VWDE: variants seen among roughly 807,000 people sequenced by gnomAD.
VWDE encodes von Willebrand factor D and EGF domain-containing protein.
In VWDE, 207 loss-of-function variants were observed where a neutral mutation model predicts 178.4. That is an observed-to-expected ratio of 1.16 (90% confidence interval 1.04 to 1.30). VWDE has a LOEUF of 1.30. Among genes scored for constraint, VWDE ranks in the 50% most tolerant of loss-of-function variants. The pLI, the probability that VWDE is intolerant of heterozygous loss-of-function variation, is 0.00. For synonymous variants in VWDE, 738 were observed against 651.4 expected, an observed-to-expected ratio of 1.13 and a Z score of -2.02; for missense variants, 2,287 against 1,901.3, an observed-to-expected ratio of 1.20 and a Z score of -3.77.
intron 2 of VWDE, among the ~76,000 whole-genome samples, chr7:12,390,279 G>A (rs1030514478): frequency 2.0e-4 from 30 of 151,728 alleles, no homozygotes; most frequent in African/African-American, 6.8e-4. Flanking sequence ...AAAATAAGAA[G>A]AAACTATGTA....
intron 4 of VWDE, among the ~76,000 whole-genome samples, chr7:12,382,596 T>C (rs1783907650): frequency 6.6e-6 from 1 of 151,958 alleles, no homozygotes; most frequent in Non-Finnish European, 1.5e-5. Context: ...GAACATTATA[T>C]GATCTATCCT....
intron 19 of VWDE, among the ~76,000 whole-genome samples, chr7:12,347,004 TA>T (rs1346180220): frequency 6.6e-6 from 1 of 152,060 alleles, no homozygotes; most frequent in African/African-American, 2.4e-5. Flanking sequence ...TCGTGAAACA[TA>T]AAAAGCATAT....
chr7:12,385,803 T>C (rs1784068594), intron 3 of VWDE, among the ~76,000 whole-genome samples: 1 of 151,828 alleles, frequency 6.6e-6, no homozygotes. Context: ...ACATTAAGAG[T>C]AAAAAAATAA....
chr7:12,361,695 A>C (rs1328280507), intron 13 of VWDE, among the ~76,000 whole-genome samples, 174 bp from the exon 14 acceptor site: 1 of 152,080 alleles, frequency 6.6e-6, no homozygotes, highest in African/African-American at 2.4e-5. Context: ...AACGAAAAAC[A>C]TATATATGTT....
chr7:12,381,521 G>A (rs2128558901), intron 4 of VWDE, among the ~76,000 whole-genome samples: 1 of 152,180 alleles, frequency 6.6e-6, no homozygotes, highest in South Asian at 2.1e-4. Flanking sequence ...GCCTTGCCAT[G>A]TAGATTTTGG....
chr7:12,368,247 A>T (rs1417551159), intron 12 of VWDE, among the ~76,000 whole-genome samples: 1 of 150,348 alleles, frequency 6.7e-6, no homozygotes, highest in Non-Finnish European at 1.5e-5. Flanking sequence ...TAAAAAAAAA[A>T]TAAAAAGATA....
rs376819573 is a variant in VWDE at position 12,361,476 on chromosome 7, T to G, written c.2944A>C (p.Thr982Pro). The G allele has an allele frequency of 1.9e-6, 3 of 1,551,146 alleles. No homozygotes were observed. Among genetic ancestry groups the G allele is most frequent in the Admixed American group, 3.9e-5 (2 of 50,942 alleles). Residue 982 changes from threonine (T) to proline (P), a missense_variant, in exon 14 of 29, where the codon ACT becomes CCT. By Grantham distance (38) the Thr-to-Pro change is conservative. Coordinates refer to ENST00000275358, the MANE Select transcript of VWDE (RefSeq NM_001135924.3). ...ACAGCTCTGCTATTGTGGAAAACAGTCTGTGTATAGATGGGTTCTCCAGGC... is the reference window on the plus strand; with the variant it reads ...ACAGCTCTGCTATTGTGGAAAACAGGCTGTGTATAGATGGGTTCTCCAGGC... ...WMPGEPIYTQ[T>P]VFHNSRAVDC...
chr7:12,398,003 G>A (rs537027562), intron 1 of VWDE, among the ~76,000 whole-genome samples: 33 of 152,110 alleles, frequency 2.2e-4, no homozygotes, highest in Admixed American at 1.3e-3. Flanking sequence ...GCAGTTTGGA[G>A]ATTTCTCAAA....
chr7:12,399,125 T>C (rs1562525481), intron 1 of VWDE, among the ~76,000 whole-genome samples: 1 of 152,088 alleles, frequency 6.6e-6, no homozygotes, highest in African/African-American at 2.4e-5. Flanking sequence ...CAAGGGAAAA[T>C]AGAGTGACTA....
rs1203865514 is a variant in VWDE at position 12,379,472 on chromosome 7, C to G, written c.879+5G>C. 4.5e-6 allele frequency: 7 copies of G among 1,542,922 alleles called. No homozygotes were observed. In the South Asian group the frequency reaches 6.0e-5, roughly 13 times the overall value. On this transcript the variant is annotated splice_donor_5th_base_variant and intron_variant, in intron 6 of 28. Coordinates refer to ENST00000275358, the MANE Select transcript of VWDE (RefSeq NM_001135924.3). Reference sequence around the variant, plus strand: ...TCTTTCTGATGCATCCCCACTGCTGCGTACCTTAAAGCCTGCAAAAAATTC... The same window carrying G: ...TCTTTCTGATGCATCCCCACTGCTGGGTACCTTAAAGCCTGCAAAAAATTC...
intron 10 of VWDE, among the ~76,000 whole-genome samples, chr7:12,372,368 A>G (rs1783255748): frequency 6.6e-6 from 1 of 152,070 alleles, no homozygotes; most frequent in African/African-American, 2.4e-5. Context: ...TAAATATTAT[A>G]CAAACAGAAA....
chr7:12,380,831 T>C (rs1404693989), intron 4 of VWDE, 98 bp from the exon 5 acceptor site: 7 of 1,359,670 alleles, frequency 5.1e-6, no homozygotes, highest in Admixed American at 2.8e-5. Context: ...TGGTTTATCT[T>C]AAGAAAAAGC....
intron 7 of VWDE, among the ~76,000 whole-genome samples, chr7:12,376,297 A>G (rs17165942): frequency 0.25 from 37,286 of 151,836 alleles, 4,755 homozygotes; most frequent in African/African-American, 0.28. Context: ...AAATACACTC[A>G]GACACCAACT....
In VWDE at chr7:12,370,106, C is replaced by CT; in HGVS notation, c.2199dup (p.Gly734ArgfsTer24). On this transcript the variant is annotated frameshift_variant, in exon 12 of 29. Coordinates refer to ENST00000275358, the MANE Select transcript of VWDE (RefSeq NM_001135924.3). LOFTEE classifies it high-confidence loss of function. The stretch of plus-strand genomic sequence containing the variant: ...ATTTCTTGGCTGTGGCTTCCCCGGC[C>CT]TTGTGTATATTTCTTATTGGCCAAA... 6.4e-7 allele frequency: 1 copy of CT among 1,551,508 alleles called. No homozygotes were observed. Among genetic ancestry groups the CT allele is most frequent in the African/African-American group, 1.4e-5 (1 of 73,142 alleles).
chr7:12,359,569 G>A lies in VWDE; in HGVS notation c.3274+9C>T, dbSNP rs1263197133. On this transcript the variant is annotated intron_variant, in intron 16 of 28. Transcript: ENST00000275358. ...TAGGAAATATTTGGATTAATAAAGA[G>A]TAACTTACTTTCTAAAAATGACCAA... 6.7e-7 allele frequency: 1 copy of A among 1,502,040 alleles called. No homozygotes were observed. The highest frequency in any genetic ancestry group is 2.5e-5 in the East Asian group (1 of 40,562). 93.0% of individuals were successfully genotyped at this position (1,502,040 alleles called of 1,614,324 possible).
At chr7:12,336,040 A>T in intron 27 of VWDE, 101 bp downstream of exon 27, 1 of 746,930 alleles carries the variant, frequency 1.3e-6, no homozygotes, top group Middle Eastern at 2.7e-4. Context: ...AGCATGCTGG[A>T]GTTTTTTCCC....
At chr7:12,334,793 A>G (rs528527729) in intron 27 of VWDE, among the ~76,000 whole-genome samples, 3 of 152,270 alleles carry the variant, frequency 2.0e-5, no homozygotes, top group South Asian at 4.1e-4. Context: ...TGCTTTTAAC[A>G]TCTTCTCATC....
intron 17 of VWDE, among the ~76,000 whole-genome samples, 182 bp downstream of exon 17, chr7:12,357,083 T>C (rs73678117): frequency 0.017 from 2,592 of 152,264 alleles, 66 homozygotes; most frequent in African/African-American, 0.06. Flanking sequence ...GGCTTGAGAC[T>C]CTCTCTAAGG....
intron 23 of VWDE, 57 bp from the exon 24 acceptor site, chr7:12,340,474 A>C: frequency 7.5e-7 from 1 of 1,340,350 alleles, no homozygotes; most frequent in Non-Finnish European, 1.0e-6. Flanking sequence ...AAAAAATGAA[A>C]GCTGCACAGA....
Sources: allele counts gnomAD v4.1 joint callset (sites outside exome capture counted in the v4.1 genomes callset), GRCh38; gene constraint gnomAD v4.1.1; transcripts MANE v1.5; gene names NCBI Gene and HGNC (gene_info 2026-07-23, HGNC 2026-07-21).